Variants in LFNG observed in about 807,000 individuals in gnomAD.
The protein encoded by LFNG is beta-1,3-N-acetylglucosaminyltransferase lunatic fringe.
Under a neutral mutation model 32.7 loss-of-function variants are expected in LFNG, and 15 were observed. The observed-to-expected ratio is 0.46, with a 90% confidence interval of 0.31 to 0.71. The LOEUF (loss-of-function observed/expected upper bound fraction) is 0.71, where lower values mean the gene tolerates loss of function less well. LFNG is among the 30% of genes least tolerant of loss of function. The probability of loss-of-function intolerance (pLI) is 0.06; values close to 1 mark genes in which losing one functional copy is unlikely to be tolerated. For missense variants in LFNG, 520 were observed against 545.7 expected (o/e 0.95, Z 0.47); for synonymous variants, 274 against 246.8 (o/e 1.11, Z -1.03).
At chr7:2,515,536 T>G (rs945859730), upstream of LFNG, among the ~76,000 whole-genome samples, 1 of 152,236 alleles carries the variant, frequency 6.6e-6, no homozygotes, top group African/African-American at 2.4e-5. Context: ...GCTCAGCCAC[T>G]GAGGCCAAGT....
rs180803360 is a variant in LFNG, at chr7:2,520,503, C to T, written c.432+210C>T. Among the ~76,000 whole-genome samples, 1,186 of 152,350 alleles carry T rather than the reference C, an allele frequency of 7.8e-3. 48 individuals are homozygous for T. The highest frequency in any genetic ancestry group is 1.8e-3 in the Non-Finnish European group (123 of 68,036). ...TTGTGTTACTGTCCCCGGGGCCCCG[C>T]CTCCTGTCCAGCTCCAGAGTCCTGG... On this transcript the variant is annotated intron_variant, in intron 1 of 7. Transcript: ENST00000222725. This position sits in a 1 kb window ranked among gnomAD's most constrained non-coding sequence, Gnocchi z 5.0.
upstream of LFNG, among the ~76,000 whole-genome samples, chr7:2,514,521 T>TCCATCCATCCATCCATCCAC (rs1160600012): frequency 5.9e-5 from 9 of 151,670 alleles, no homozygotes; most frequent in Non-Finnish European, 1.3e-4. Context: ...CACCTGTCCA[T>TCCATCCATCCATCCATCCAC]CCATCCATCC....
In LFNG at chr7:2,520,286, A is replaced by G; in HGVS notation, c.425A>G (p.Lys142Arg). 6.2e-7 allele frequency: 1 copy of G among 1,608,548 alleles called. No homozygotes were observed. Among genetic ancestry groups the G allele is most frequent in the South Asian group, 1.1e-5 (1 of 90,886 alleles). The change falls in exon 1 of 8, where the codon AAG becomes AGG. Residue 142 changes from lysine (K) to arginine (R), a missense_variant. Transcript: ENST00000222725. The surrounding 1 kb of genome is among the most constrained non-coding windows in gnomAD (Gnocchi z 5.0). ...LLLETWISRH[K>R]EMTFIFTDGE... ...CTGGAGACCTGGATCTCGCGCCACA[A>G]GGAGATGGTGAGCCCCCCGCGGCCT...
chr7:2,526,614 G>A lies in LFNG; in HGVS notation c.987+205G>A, dbSNP rs967744734. Among the ~76,000 whole-genome samples, 12 of 152,160 alleles carry A rather than the reference G, an allele frequency of 7.9e-5. No homozygotes were observed. The highest frequency in any genetic ancestry group is 2.7e-4 in the African/African-American group (11 of 41,422). On this transcript the variant is annotated intron_variant, in intron 6 of 7. Coordinates refer to ENST00000222725, the MANE Select transcript of LFNG (RefSeq NM_001040167.2). This position sits in a 1 kb window ranked among gnomAD's most constrained non-coding sequence, Gnocchi z 6.9. ...TCCTGCCGTCTCTTCTCTTCACTGTGATGCGCCTACTGTGCGTATTTTGTC... is the reference window on the plus strand; with the variant it reads ...TCCTGCCGTCTCTTCTCTTCACTGTAATGCGCCTACTGTGCGTATTTTGTC...
chr7:2,524,034 G>T (rs1779868394), intron 1 of LFNG, among the ~76,000 whole-genome samples: 1 of 152,140 alleles, frequency 6.6e-6, no homozygotes, highest in South Asian at 2.1e-4. Context: ...TATGGTAATG[G>T]GCGGCGCGGC....
Position 2,520,149 on chromosome 7 carries a change from C to G in LFNG, c.288C>G (p.Pro96=). 4.8e-6 allele frequency: 7 copies of G among 1,445,862 alleles called. 1 individual carries two copies. The South Asian group carries it at 9.7e-5, about 20-fold the overall frequency. The allele number at this position is 1,445,862 out of a possible 1,614,324, so 89.6% of individuals were successfully genotyped here. The change falls in exon 1 of 8, where the codon CCC becomes CCG. Residue 96 remains proline, a synonymous_variant. Transcript: ENST00000222725. This position sits in a 1 kb window ranked among gnomAD's most constrained non-coding sequence, Gnocchi z 5.0. ...RDAGPPPGAA[P]RPADGHPRPL... is the part of the protein sequence containing the mutation. ...CGGGCCCGCCGCCCGGGGCTGCCCCCCGCCCCGCCGACGGCCACCCGCGCC... is the reference window on the plus strand; with the variant it reads ...CGGGCCCGCCGCCCGGGGCTGCCCCGCGCCCCGCCGACGGCCACCCGCGCC...
chr7:2,527,980 T>A lies in LFNG; in HGVS notation c.*768T>A, dbSNP rs1361411417. On this transcript the variant is annotated 3_prime_UTR_variant, in exon 8 of 8. Coordinates refer to ENST00000222725, the MANE Select transcript of LFNG (RefSeq NM_001040167.2). The surrounding 1 kb of genome is among the most constrained non-coding windows in gnomAD (Gnocchi z 4.4). ...GAGCAAGTCGCCCACAGTGGGCGTG[T>A]CTGTAAATATTGTGACAGTATTTTT... 6.1e-6 allele frequency: 6 copies of A among 985,012 alleles called. No individual in the cohort carries two copies. Among genetic ancestry groups the A allele is most frequent in the Non-Finnish European group, 6.0e-6 (5 of 829,814 alleles). The allele number at this position is 985,012 out of a possible 1,614,324, so 61.0% of individuals were successfully genotyped here.
At chr7:2,518,398 G>T, upstream of LFNG, 2 of 656,726 alleles carry the variant, frequency 3.0e-6, no homozygotes, top group Non-Finnish European at 2.8e-6. Context: ...ACCACCCAGC[G>T]GGTACAGGGG....
In LFNG at chr7:2,527,642, GGCCCCTGTGTCATA is replaced by G; in HGVS notation, c.*436_*449del. On this transcript the variant is annotated 3_prime_UTR_variant, in exon 8 of 8. Coordinates refer to ENST00000222725, the MANE Select transcript of LFNG (RefSeq NM_001040167.2). This position sits in a 1 kb window ranked among gnomAD's most constrained non-coding sequence, Gnocchi z 4.4. ...GGGGGTACCTGTGCCCTGAAGTCCT[GGCCCCTGTGTCATA>G]GCCCCAAGTACGACTCACTGAGCCA... 1 of 1,155,732 alleles carries G rather than the reference GGCCCCTGTGTCATA, an allele frequency of 8.7e-7. No homozygotes were observed. The highest frequency in any genetic ancestry group is 1.1e-6 in the Non-Finnish European group (1 of 925,946). 71.6% of individuals were successfully genotyped at this position (1,155,732 alleles called of 1,614,324 possible). A position where few individuals can be genotyped will look rare whatever the true frequency, so the allele number is the denominator to read the frequency against.
chr7:2,513,311 G>C, upstream of LFNG: 1 of 1,606,068 alleles, frequency 6.2e-7, no homozygotes, highest in Non-Finnish European at 8.5e-7. Flanking sequence ...GTCCTACGGA[G>C]GTGGCCTCTC....
At chr7:2,516,956 C>T (rs1191940748), upstream of LFNG, among the ~76,000 whole-genome samples, 2 of 152,144 alleles carry the variant, frequency 1.3e-5, no homozygotes, top group African/African-American at 2.4e-5. Context: ...CCTCTATCCC[C>T]AGCCCCTCTT....
intron 1 of LFNG, among the ~76,000 whole-genome samples, chr7:2,523,415 C>T (rs557575408): frequency 2.0e-5 from 3 of 152,322 alleles, no homozygotes; most frequent in Non-Finnish European, 4.4e-5. Flanking sequence ...CTGAGACTAC[C>T]AAGGTGTTCC....
upstream of LFNG, among the ~76,000 whole-genome samples, chr7:2,514,444 G>T (rs1047391971): frequency 6.6e-6 from 1 of 152,114 alleles, no homozygotes; most frequent in Non-Finnish European, 1.5e-5. Flanking sequence ...CCAGCCACCC[G>T]CATGCCTCTG....
chr7:2,512,800 A>G, intron 1 of LFNG: 2 of 1,007,394 alleles, frequency 2.0e-6, no homozygotes, highest in Non-Finnish European at 3.1e-6. Flanking sequence ...GTACCCCTGC[A>G]TTCTACACCT....
upstream of LFNG, chr7:2,513,067 TG>T: frequency 7.8e-7 from 1 of 1,273,924 alleles, no homozygotes; most frequent in African/African-American, 1.5e-5. Flanking sequence ...CAGCCCACAG[TG>T]GGTTCTCCCT....
intron 1 of LFNG, among the ~76,000 whole-genome samples, chr7:2,523,048 T>C (rs1364582258): frequency 1.3e-5 from 2 of 152,244 alleles, no homozygotes; most frequent in Non-Finnish European, 2.9e-5. Flanking sequence ...CTCCCTGAGC[T>C]GAACAAAGGT....
At chr7:2,515,038 C>T (rs10261173), upstream of LFNG, among the ~76,000 whole-genome samples, 70 of 60,144 alleles carry the variant, frequency 1.2e-3, 1 homozygote, top group East Asian at 0.098. Flanking sequence ...ATCCATCCAT[C>T]CATCCATCTG....
chr7:2,518,909 G>T (rs1027226450), upstream of LFNG, among the ~76,000 whole-genome samples: 10 of 151,330 alleles, frequency 6.6e-5, no homozygotes, highest in East Asian at 1.6e-3. Context: ...TGCGAGGGGC[G>T]GGCCCGGGCC....
upstream of LFNG, among the ~76,000 whole-genome samples, chr7:2,514,193 G>A (rs1042667434): frequency 4.6e-5 from 7 of 152,248 alleles, no homozygotes; most frequent in Non-Finnish European, 1.0e-4. Flanking sequence ...CGGCAGCCCT[G>A]CCAGGTCTTC....
Sources: gnomAD v4.1 joint callset for allele counts (sites outside exome capture counted in the v4.1 genomes callset) on GRCh38, gnomAD v4.1.1 for gene constraint, Gnocchi (gnomAD v3.1) non-coding constraint, MANE v1.5 for transcripts, NCBI Gene and HGNC (gene_info 2026-07-23, HGNC 2026-07-21) for gene names.